Variants in MINDY3 observed in about 807,000 individuals in gnomAD.
MINDY3 encodes MINDY lysine 48 deubiquitinase 3, also known as ubiquitin carboxyl-terminal hydrolase MINDY-3.
In MINDY3, 38 loss-of-function variants were observed where a neutral mutation model predicts 69.2. The ratio of observed to expected loss-of-function variants is 0.55; its 90% confidence interval spans 0.42 to 0.72. The LOEUF (loss-of-function observed/expected upper bound fraction) is 0.72. Among genes scored for constraint, MINDY3 ranks in the 30% least tolerant of loss-of-function variants. The pLI is 0.00. For synonymous variants in MINDY3, 192 were observed against 180.1 expected, an observed-to-expected ratio of 1.07 and a Z score of -0.53; for missense variants, 522 against 519.0, an observed-to-expected ratio of 1.01 and a Z score of -0.06.
chr10:15,845,727 G>A (rs140038806), intron 2 of MINDY3, among the ~76,000 whole-genome samples: 1 of 147,748 alleles, frequency 6.8e-6, no homozygotes, highest in Non-Finnish European at 1.5e-5. Context: ...GCCTGGTTTT[G>A]AACTCCTGGC....
chr10:15,860,241 C>G lies in MINDY3; in HGVS notation c.59G>C (p.Gly20Ala), dbSNP rs747802313. 1.2e-6 allele frequency: 2 copies of G among 1,611,026 alleles called. No homozygotes were observed. The highest frequency in any genetic ancestry group is 1.7e-6 in the Non-Finnish European group (2 of 1,178,752). ...GCGGCAGAAAATGGTGTCCGAGAGA[C>G]CGGGGCTGCTCTTGGTGCCCCACAC... ...ELVWGTKSSP[G>A]LSDTIFCRWT... is the part of the protein sequence containing the mutation. Residue 20 changes from glycine (G) to alanine (A), a missense_variant, in exon 1 of 15, where the codon GGT becomes GCT. Transcript: ENST00000277632.
At chr10:15,782,474 C>T in intron 13 of MINDY3, 1 of 394,782 alleles carries the variant, frequency 2.5e-6, no homozygotes, top group Non-Finnish European at 4.5e-6. Context: ...TCAGAACTAA[C>T]TTATTTTTTT....
At chr10:15,808,633 T>G (rs900421676) in intron 10 of MINDY3, among the ~76,000 whole-genome samples, 5 of 152,168 alleles carry the variant, frequency 3.3e-5, no homozygotes, top group Non-Finnish European at 1.5e-5. Flanking sequence ...AATAATTTTT[T>G]CCTCCTTAGC....
intron 10 of MINDY3, among the ~76,000 whole-genome samples, chr10:15,805,470 T>C (rs181829130): frequency 3.3e-5 from 5 of 152,282 alleles, no homozygotes; most frequent in African/African-American, 1.2e-4. Flanking sequence ...AAGTTAGGAC[T>C]CTTTGTATCA....
chr10:15,804,894 C>T (rs1408168234), intron 10 of MINDY3, among the ~76,000 whole-genome samples: 1 of 152,088 alleles, frequency 6.6e-6, no homozygotes, highest in Admixed American at 6.6e-5. Context: ...TTCCAAATAA[C>T]GTGTAAAGCC....
chr10:15,860,494 T>C lies in MINDY3; in HGVS notation c.-195A>G, dbSNP rs986738910. 3 of 601,492 alleles carry C rather than the reference T, an allele frequency of 5.0e-6. No homozygotes were observed. Among genetic ancestry groups the C allele is most frequent in the Non-Finnish European group, 5.8e-6 (2 of 342,146 alleles). 37.3% of individuals were successfully genotyped at this position (601,492 alleles called of 1,614,324 possible). A position where few individuals can be genotyped will look rare whatever the true frequency, so the allele number is the denominator to read the frequency against. On this transcript the variant is annotated 5_prime_UTR_variant, in exon 1 of 15. Transcript: ENST00000277632. ...GCCAGGTTGGGGCAGCAGCGAGTTT[T>C]CCGTACCGGAAGTGCTGGTGCCACT...
At chr10:15,800,953 A>C (rs545245494) in intron 10 of MINDY3, among the ~76,000 whole-genome samples, 154 of 152,292 alleles carry the variant, frequency 1.0e-3, no homozygotes, top group African/African-American at 3.6e-3. Flanking sequence ...GCTAAAGCAA[A>C]ACAAAAGTAA....
rs550367559 is a variant in MINDY3 at position 15,812,275 on chromosome 10, A to G, written c.882+4560T>C. Among the ~76,000 whole-genome samples the G allele has an allele frequency of 1.1e-4, 16 of 152,286 alleles. No homozygotes were observed. The South Asian group carries it at 2.9e-3, about 28-fold the overall frequency. On this transcript the variant is annotated intron_variant, in intron 10 of 14. Transcript: ENST00000277632. ...TTTATTCTATAAATTTCAATGTTCT[A>G]TAATTTCTGGGAAATAGTATAATTA...
chr10:15,821,562 T>C (rs1392730840), intron 9 of MINDY3, 94 bp downstream of exon 9: 1 of 880,552 alleles, frequency 1.1e-6, no homozygotes, highest in Non-Finnish European at 1.8e-6. Context: ...ACCATAGTGC[T>C]GTGCTCAAAT....
At chr10:15,851,634 A>G (rs1335193695) in intron 1 of MINDY3, among the ~76,000 whole-genome samples, 7 of 151,784 alleles carry the variant, frequency 4.6e-5, no homozygotes, top group South Asian at 2.1e-4. Flanking sequence ...TCTCCAGTCC[A>G]CCCTATAGTT....
At chr10:15,802,554 C>T (rs775139361) in intron 10 of MINDY3, among the ~76,000 whole-genome samples, 3 of 151,998 alleles carry the variant, frequency 2.0e-5, no homozygotes, top group Non-Finnish European at 4.4e-5. Flanking sequence ...CCTTACTATG[C>T]GAGATGAGAT....
intron 10 of MINDY3, among the ~76,000 whole-genome samples, chr10:15,805,372 AT>A (rs1838564156): frequency 6.6e-6 from 1 of 152,160 alleles, no homozygotes; most frequent in Non-Finnish European, 1.5e-5. Flanking sequence ...TTAATGTTAC[AT>A]TTTAAAAGGT....
At chr10:15,844,246 A>AG in intron 2 of MINDY3, among the ~76,000 whole-genome samples, 1 of 152,188 alleles carries the variant, frequency 6.6e-6, no homozygotes, top group Non-Finnish European at 1.5e-5. Flanking sequence ...ATAGGCATAA[A>AG]GTCTACAAAT....
chr10:15,839,227 TC>T (rs1029941452), intron 4 of MINDY3, among the ~76,000 whole-genome samples: 2 of 151,752 alleles, frequency 1.3e-5, no homozygotes, highest in Admixed American at 6.6e-5. Flanking sequence ...ATGCTAGCTT[TC>T]CAAAGCCTAG....
intron 1 of MINDY3, 117 bp downstream of exon 1, chr10:15,860,089 A>ACGG: frequency 1.3e-6 from 1 of 756,404 alleles, no homozygotes; most frequent in Non-Finnish European, 2.2e-6. Context: ...AGCGCTGAGC[A>ACGG]CGGCGACTGG....
At chr10:15,798,464 GTTTTTT>G (rs35810825) in intron 10 of MINDY3, among the ~76,000 whole-genome samples, 1 of 141,810 alleles carries the variant, frequency 7.1e-6, no homozygotes, top group African/African-American at 2.6e-5. Context: ...AGTGCCAAGT[GTTTTTT>G]TTTTTTTTTT....
intron 10 of MINDY3, among the ~76,000 whole-genome samples, chr10:15,797,757 A>G (rs76476157): frequency 0.036 from 5,548 of 152,208 alleles, 334 homozygotes; most frequent in African/African-American, 0.12. Flanking sequence ...TGCCAAAGCT[A>G]GGACTGCAGT....
At chr10:15,848,692 G>A (rs1310540588) in intron 1 of MINDY3, among the ~76,000 whole-genome samples, 5 of 137,654 alleles carry the variant, frequency 3.6e-5, no homozygotes, top group African/African-American at 1.4e-4. Context: ...ATTGTAGACA[G>A]TACATGTGTT....
intron 1 of MINDY3, among the ~76,000 whole-genome samples, chr10:15,849,235 C>T (rs1232265983): frequency 1.3e-5 from 2 of 152,006 alleles, no homozygotes; most frequent in African/African-American, 4.8e-5. Flanking sequence ...AAAGAAAATA[C>T]CTTAATTAAA....
Sources: allele counts gnomAD v4.1 joint callset (sites outside exome capture counted in the v4.1 genomes callset), GRCh38; gene constraint gnomAD v4.1.1; transcripts MANE v1.5; gene names NCBI Gene and HGNC (gene_info 2026-07-23, HGNC 2026-07-21).